EBF4: variants seen among roughly 807,000 people sequenced by gnomAD.
EBF4 encodes EBF transcription factor 4, also known as transcription factor COE4.
EBF4 carries 34 observed loss-of-function variants against 67.1 expected under a neutral mutation model. That is an observed-to-expected ratio of 0.51 (90% CI 0.39 to 0.67). The LOEUF is 0.67. Ranked by LOEUF, EBF4 falls within the 30% of genes least tolerant of loss-of-function variation. The probability of loss-of-function intolerance (pLI) is 0.00; values close to 1 mark genes in which losing one functional copy is unlikely to be tolerated. For missense variants in EBF4, 837 were observed against 873.3 expected (o/e 0.96, Z 0.52); for synonymous variants, 387 against 377.7 (o/e 1.02, Z -0.29).
intron 6 of EBF4, among the ~76,000 whole-genome samples, chr20:2,737,215 A>AGT (rs2087899011): frequency 1.4e-5 from 2 of 146,754 alleles, no homozygotes; most frequent in Non-Finnish European, 3.0e-5. Flanking sequence ...GCGCCACTGC[A>AGT]CTCCAGCTTG....
intron 1 of EBF4, among the ~76,000 whole-genome samples, 168 bp from the exon 2 acceptor site, chr20:2,705,409 G>A (rs2087437917): frequency 2.0e-5 from 3 of 152,178 alleles, no homozygotes; most frequent in Non-Finnish European, 2.9e-5. Flanking sequence ...ATCTGGAAGC[G>A]AGATGGCCCT....
intron 6 of EBF4, among the ~76,000 whole-genome samples, chr20:2,718,472 T>C (rs967656114): frequency 4.6e-5 from 7 of 152,234 alleles, no homozygotes; most frequent in East Asian, 1.9e-4. Context: ...CTCTAATAGA[T>C]ATAGAAGGTT....
chr20:2,711,148 A>AAATAATAATAATAATAAT lies in EBF4; in HGVS notation c.557+1521_557+1538dup, dbSNP rs144765250. Among the ~76,000 whole-genome samples, 906 of 146,816 alleles carry AAATAATAATAATAATAAT rather than the reference A, an allele frequency of 6.2e-3. 9 individuals carry two copies. Among genetic ancestry groups the AAATAATAATAATAATAAT allele is most frequent in the African/African-American group, 0.022 (855 of 39,652 alleles). On this transcript the variant is annotated intron_variant, in intron 6 of 16. Transcript: ENST00000609451. ...GGGCAACAGAGTGAGACCCTGTCTA[A>AAATAATAATAATAATAAT]AATAATAATAATAATAATAATAATA...
intron 6 of EBF4, among the ~76,000 whole-genome samples, chr20:2,729,499 G>A (rs1295746749): frequency 1.3e-5 from 2 of 152,152 alleles, no homozygotes; most frequent in Non-Finnish European, 2.9e-5. Flanking sequence ...ACTTCTGCAA[G>A]CAGTCCTTTT....
At position 2,759,265 on chromosome 20, in the gene EBF4, C is replaced by G. The variant is rs1472404326; in HGVS notation, c.*6-3C>G. On this transcript the variant is annotated splice_region_variant and splice_polypyrimidine_tract_variant and intron_variant, in intron 16 of 16. Transcript: ENST00000609451. ...TTCTTCTCTCCCTCTCTCGCCCCACCAGGTCTGCAGCTGTTCCCATGGAGC... is the reference window on the plus strand; with the variant it reads ...TTCTTCTCTCCCTCTCTCGCCCCACGAGGTCTGCAGCTGTTCCCATGGAGC... 14 of 493,790 alleles carry G rather than the reference C, an allele frequency of 2.8e-5. No homozygotes were observed. The highest frequency in any genetic ancestry group is 2.6e-5 in the Non-Finnish European group (7 of 271,712). 30.6% of individuals were successfully genotyped at this position (493,790 alleles called of 1,614,324 possible). A position where few individuals can be genotyped will look rare whatever the true frequency, so the allele number is the denominator to read the frequency against.
intron 10 of EBF4, among the ~76,000 whole-genome samples, chr20:2,750,216 A>G (rs2088121490): frequency 6.6e-6 from 1 of 151,944 alleles, no homozygotes; most frequent in South Asian, 2.1e-4. Flanking sequence ...CCCCGGGGCA[A>G]AGTCCCCCCC....
chr20:2,711,232 C>A (rs1319703357), intron 6 of EBF4, among the ~76,000 whole-genome samples: 1 of 151,952 alleles, frequency 6.6e-6, no homozygotes, highest in African/African-American at 2.4e-5. Context: ...CAGCACCTTT[C>A]TTTTTCCTTG....
chr20:2,728,928 A>C (rs1192057962), intron 6 of EBF4, among the ~76,000 whole-genome samples: 1 of 152,106 alleles, frequency 6.6e-6, no homozygotes, highest in East Asian at 1.9e-4. Flanking sequence ...GTTAATTTCC[A>C]TATCATAGTA....
intron 6 of EBF4, among the ~76,000 whole-genome samples, chr20:2,729,222 G>A (rs985670667): frequency 1.3e-5 from 2 of 151,626 alleles, no homozygotes; most frequent in African/African-American, 4.8e-5. Context: ...GAAAGCCTTC[G>A]CCGACTCCTA....
In EBF4 at chr20:2,737,214, C is replaced by T. The variant is rs1249581768; in HGVS notation, c.558-11335C>T. Among the ~76,000 whole-genome samples, 9 of 145,436 alleles carry T rather than the reference C, an allele frequency of 6.2e-5. No individual in the cohort carries two copies. In the South Asian group the frequency reaches 8.6e-4, roughly 14 times the overall value. ...GCAGTGAGCCGAGATCGCGCCACTG[C>T]ACTCCAGCTTGGGTAACAGGAGCGA... is the stretch of plus-strand genomic sequence containing the variant. On this transcript the variant is annotated intron_variant, in intron 6 of 16. Transcript: ENST00000609451.
intron 6 of EBF4, 104 bp from the exon 7 acceptor site, chr20:2,748,445 G>A: frequency 9.1e-7 from 1 of 1,102,440 alleles, no homozygotes; most frequent in Non-Finnish European, 1.3e-6. Context: ...GGAGCAGGCA[G>A]AGGGGACTCA....
At chr20:2,729,060 A>G (rs2146441493) in intron 6 of EBF4, among the ~76,000 whole-genome samples, 1 of 151,580 alleles carries the variant, frequency 6.6e-6, no homozygotes, top group South Asian at 2.1e-4. Flanking sequence ...ATATAACTAT[A>G]TAACCATTTT....
At chr20:2,709,079 T>C (rs1002943431) in intron 5 of EBF4, among the ~76,000 whole-genome samples, 3 of 151,994 alleles carry the variant, frequency 2.0e-5, no homozygotes, top group African/African-American at 7.2e-5. Context: ...CCAGCTATGT[T>C]AGGAGGCTGA....
intron 6 of EBF4, among the ~76,000 whole-genome samples, chr20:2,737,599 C>A (rs2146465050): frequency 6.6e-6 from 1 of 152,198 alleles, no homozygotes; most frequent in South Asian, 2.1e-4. Context: ...GTGACTGCCT[C>A]AGAGTCATTT....
At chr20:2,709,637 T>A (rs1367791353) in exon 6 of EBF4, 1 of 1,552,256 alleles carries the variant, frequency 6.4e-7, no homozygotes, top group Non-Finnish European at 8.7e-7. Context: ...CCGTCATCAT[T>A]GACAGGTACA....
rs1204719289 is a variant in EBF4, at chr20:2,725,644, T to G, written c.557+16002T>G. On this transcript the variant is annotated intron_variant, in intron 6 of 16. Coordinates refer to ENST00000609451, the Ensembl canonical transcript of EBF4. ...GGTGGTGGTTATTTTAGTTTATATT[T>G]GGTTGAACCAAATCTGGCCCCAAAC... 6.6e-5 allele frequency among the ~76,000 whole-genome samples: 10 copies of G among 152,246 alleles called. No individual in the cohort carries two copies. The East Asian group carries it at 1.9e-3, about 29-fold the overall frequency.
intron 14 of EBF4, 75 bp downstream of exon 14, chr20:2,752,620 C>G (rs2088173951): frequency 8.6e-7 from 1 of 1,163,678 alleles, no homozygotes. Flanking sequence ...CCCCGCCCAT[C>G]CCGGAGAGGT....
intron 6 of EBF4, among the ~76,000 whole-genome samples, chr20:2,742,604 A>T (rs2087984439): frequency 6.6e-6 from 1 of 152,108 alleles, no homozygotes; most frequent in Non-Finnish European, 1.5e-5. Flanking sequence ...GTGGGATGGC[A>T]CTGGGCACTG....
At chr20:2,712,664 T>C (rs2087559551) in intron 6 of EBF4, among the ~76,000 whole-genome samples, 1 of 152,116 alleles carries the variant, frequency 6.6e-6, no homozygotes, top group Non-Finnish European at 1.5e-5. Flanking sequence ...AATGAAATCA[T>C]CGAGGGGATG....
Sources: allele counts gnomAD v4.1 joint callset (sites outside exome capture counted in the v4.1 genomes callset), GRCh38; gene constraint gnomAD v4.1.1; transcripts MANE v1.5; gene names NCBI Gene and HGNC (gene_info 2026-07-23, HGNC 2026-07-21).